The following G2E3 variants were observed in gnomAD, a reference collection of about 807,000 sequenced individuals.
G2E3 encodes G2/M phase-specific E3 ubiquitin-protein ligase.
G2E3 carries 35 observed loss-of-function variants against 92.8 expected under a neutral mutation model. That is an observed-to-expected ratio of 0.38 (90% CI 0.29 to 0.50). The LOEUF is 0.50. G2E3 is among the 20% of genes least tolerant of loss of function. The probability of loss-of-function intolerance (pLI) is 0.94; values close to 1 mark genes in which losing one functional copy is unlikely to be tolerated. For missense variants in G2E3, 554 were observed against 823.8 expected (o/e 0.67, Z 4.01); for synonymous variants, 242 against 272.4 (o/e 0.89, Z 1.10).
chr14:30,596,989 G>A (rs1881322458), intron 6 of G2E3, among the ~76,000 whole-genome samples: 3 of 152,116 alleles, frequency 2.0e-5, no homozygotes, highest in Non-Finnish European at 2.9e-5. Flanking sequence ...TACTTCTCCC[G>A]TTTTGGGAAG....
chr14:30,609,488 T>A (rs943742680), intron 12 of G2E3, among the ~76,000 whole-genome samples: 4 of 152,202 alleles, frequency 2.6e-5, no homozygotes, highest in Non-Finnish European at 4.4e-5. Context: ...TGATTCTCTC[T>A]TCTTTAATGC....
chr14:30,561,487 CT>C (rs1156324684), intron 1 of G2E3, among the ~76,000 whole-genome samples: 3 of 152,200 alleles, frequency 2.0e-5, no homozygotes, highest in African/African-American at 7.2e-5. Flanking sequence ...ACCAACTTCT[CT>C]TCCCAAGGAC....
At chr14:30,582,299 G>C (rs115628699) in intron 2 of G2E3, among the ~76,000 whole-genome samples, 129 of 152,212 alleles carry the variant, frequency 8.5e-4, no homozygotes, top group African/African-American at 2.9e-3. Flanking sequence ...TAAATATAAT[G>C]AAATCAGGAC....
At chr14:30,569,715 A>G (rs1278976782) in intron 1 of G2E3, among the ~76,000 whole-genome samples, 4 of 152,130 alleles carry the variant, frequency 2.6e-5, no homozygotes, top group Admixed American at 1.3e-4. Context: ...CCTGCCCACG[A>G]AGTCAGGGTT....
chr14:30,605,134 G>A (rs990835177), intron 10 of G2E3, among the ~76,000 whole-genome samples: 2 of 152,184 alleles, frequency 1.3e-5, no homozygotes, highest in Non-Finnish European at 2.9e-5. Context: ...GACCTCAGGT[G>A]ATCCGCCTGC....
chr14:30,608,377 C>T (rs1034910974), intron 12 of G2E3, among the ~76,000 whole-genome samples: 12 of 152,172 alleles, frequency 7.9e-5, no homozygotes, highest in African/African-American at 7.2e-5. Context: ...CTAGAGACAA[C>T]GTGAGGCAGA....
At chr14:30,594,371 T>C in intron 6 of G2E3, among the ~76,000 whole-genome samples, 1 of 152,340 alleles carries the variant, frequency 6.6e-6, no homozygotes, top group East Asian at 1.9e-4. Flanking sequence ...TTATTACTAA[T>C]TGTCCACAGA....
At chr14:30,560,335 CA>C (rs895437185) in intron 1 of G2E3, 1 of 153,812 alleles carries the variant, frequency 6.5e-6, no homozygotes, top group African/African-American at 2.4e-5. Context: ...GTTTTAACAC[CA>C]GGATATTGTA....
chr14:30,593,861 A>G (rs1566541385), intron 6 of G2E3, among the ~76,000 whole-genome samples: 4 of 149,772 alleles, frequency 2.7e-5, no homozygotes, highest in Non-Finnish European at 4.4e-5. Flanking sequence ...AAACTTTTTA[A>G]TGTATATTTA....
At chr14:30,566,514 TA>T (rs1315650914) in intron 1 of G2E3, among the ~76,000 whole-genome samples, 1 of 152,230 alleles carries the variant, frequency 6.6e-6, no homozygotes, top group Non-Finnish European at 1.5e-5. Context: ...TGGAATTGTT[TA>T]CTTAATTTCC....
chr14:30,604,766 A>C (rs1278663697), intron 10 of G2E3, among the ~76,000 whole-genome samples: 2 of 152,240 alleles, frequency 1.3e-5, no homozygotes, highest in Non-Finnish European at 2.9e-5. Flanking sequence ...TAGTAAGGAG[A>C]GATTACATTT....
chr14:30,598,767 T>G (rs1265026982), intron 8 of G2E3, among the ~76,000 whole-genome samples, 168 bp downstream of exon 8: 1 of 152,194 alleles, frequency 6.6e-6, no homozygotes, highest in African/African-American at 2.4e-5. Context: ...ACAGAGAAAT[T>G]TTTGCAGTTA....
chr14:30,608,226 A>G lies in G2E3; in HGVS notation c.1500+157A>G, dbSNP rs528958935. Among the ~76,000 whole-genome samples the G allele has an allele frequency of 1.2e-4, 18 of 152,346 alleles. No individual in the cohort carries two copies. The South Asian group carries it at 3.5e-3, about 30-fold the overall frequency. On this transcript the variant is annotated intron_variant, in intron 12 of 14. Coordinates refer to ENST00000206595, the MANE Select transcript of G2E3 (RefSeq NM_017769.5). ...ACCAGTGGAGTTCTGAACCAGTTAA[A>G]AGATAGTTTTAAAAGTCAGATGGCT...
chr14:30,559,968 A>G (rs891879465), intron 1 of G2E3: 10 of 152,178 alleles, frequency 6.6e-5, no homozygotes, highest in Non-Finnish European at 1.5e-4. Flanking sequence ...CTTAGTTTGC[A>G]AACAATAGGG....
chr14:30,564,324 T>A (rs962257169), intron 1 of G2E3, among the ~76,000 whole-genome samples: 3 of 152,134 alleles, frequency 2.0e-5, no homozygotes, highest in Admixed American at 2.0e-4. Context: ...TGAGGTAAAA[T>A]TCCCATTTAT....
chr14:30,609,391 A>G (rs1213890003), intron 12 of G2E3, among the ~76,000 whole-genome samples: 1 of 151,974 alleles, frequency 6.6e-6, no homozygotes, highest in East Asian at 1.9e-4. Context: ...GCCTTTTCTA[A>G]TTTTTCATCT....
At chr14:30,576,990 G>T (rs1880132220) in intron 1 of G2E3, among the ~76,000 whole-genome samples, 1 of 152,124 alleles carries the variant, frequency 6.6e-6, no homozygotes, top group Non-Finnish European at 1.5e-5. Context: ...ACTTTGGGAG[G>T]CAGAGGCAGG....
intron 7 of G2E3, 44 bp downstream of exon 7, chr14:30,597,570 T>G (rs115812002): frequency 2.0e-6 from 2 of 1,010,044 alleles, no homozygotes; most frequent in East Asian, 4.8e-5. Context: ...ATATTTTAAA[T>G]GTAGGATTTA....
At chr14:30,598,907 G>A (rs1177094893) in intron 8 of G2E3, among the ~76,000 whole-genome samples, 6 of 152,186 alleles carry the variant, frequency 3.9e-5, no homozygotes. Context: ...CAAATTGCAA[G>A]GGTGCTGTAA....
Sources: gnomAD v4.1 joint callset for allele counts (sites outside exome capture counted in the v4.1 genomes callset) on GRCh38, gnomAD v4.1.1 for gene constraint, MANE v1.5 for transcripts, NCBI Gene and HGNC (gene_info 2026-07-23, HGNC 2026-07-21) for gene names.